Variants in DYNC1I1 observed in about 807,000 individuals in gnomAD.
DYNC1I1 encodes the protein cytoplasmic dynein 1 intermediate chain 1.
In DYNC1I1, 43 loss-of-function variants were observed where a neutral mutation model predicts 86.6. The observed-to-expected ratio is 0.50, with a 90% CI of 0.39 to 0.64. The LOEUF is 0.64. DYNC1I1 is among the 30% of genes least tolerant of loss of function. The pLI is 0.00. For missense variants in DYNC1I1, 604 were observed against 788.8 expected (o/e 0.77, Z 2.81); for synonymous variants, 262 against 283.7 (o/e 0.92, Z 0.77).
chr7:96,047,264 T>C (rs1310461332), intron 14 of DYNC1I1, among the ~76,000 whole-genome samples: 2 of 152,276 alleles, frequency 1.3e-5, no homozygotes, highest in East Asian at 1.9e-4. Flanking sequence ...TTTCAACATA[T>C]GAATTTTGGA....
At chr7:95,813,708 A>T (rs1423546268) in intron 4 of DYNC1I1, among the ~76,000 whole-genome samples, 4 of 152,130 alleles carry the variant, frequency 2.6e-5, no homozygotes, top group Non-Finnish European at 5.9e-5. Context: ...GTTTCCATGA[A>T]AGTCTTTGTG....
At chr7:95,796,524 A>G (rs1222937080) in intron 1 of DYNC1I1, among the ~76,000 whole-genome samples, 1 of 151,924 alleles carries the variant, frequency 6.6e-6, no homozygotes, top group Admixed American at 6.6e-5. Context: ...AGTTTTCTTT[A>G]TGCTGTATCT....
At chr7:95,937,512 A>G (rs1792079898) in intron 6 of DYNC1I1, among the ~76,000 whole-genome samples, 2 of 151,952 alleles carry the variant, frequency 1.3e-5, no homozygotes, top group Admixed American at 1.3e-4. Context: ...GTTCAAAAAA[A>G]AAAAAGCACC....
intron 5 of DYNC1I1, among the ~76,000 whole-genome samples, chr7:95,828,460 CT>C (rs1350098811): frequency 6.6e-6 from 1 of 152,130 alleles, no homozygotes; most frequent in Non-Finnish European, 1.5e-5. Context: ...CCATCCTCCC[CT>C]TTACTAACAA....
At chr7:95,915,332 A>G (rs1370426629) in intron 6 of DYNC1I1, among the ~76,000 whole-genome samples, 1 of 152,262 alleles carries the variant, frequency 6.6e-6, no homozygotes, top group Non-Finnish European at 1.5e-5. Flanking sequence ...GACTAACACG[A>G]ACAAAGTCAC....
chr7:96,047,183 G>A (rs895519890), intron 14 of DYNC1I1, among the ~76,000 whole-genome samples: 2 of 152,096 alleles, frequency 1.3e-5, no homozygotes, highest in African/African-American at 2.4e-5. Context: ...CCATTCATGA[G>A]GGTGGAGCCC....
At chr7:96,102,090 C>A (rs1314990421), downstream of DYNC1I1, among the ~76,000 whole-genome samples, 1 of 152,022 alleles carries the variant, frequency 6.6e-6, no homozygotes, top group African/African-American at 2.4e-5. Flanking sequence ...ATTAATAAGG[C>A]TTCTGGTACA....
At chr7:95,964,483 A>G (rs1792955331) in intron 6 of DYNC1I1, among the ~76,000 whole-genome samples, 1 of 152,166 alleles carries the variant, frequency 6.6e-6, no homozygotes, top group South Asian at 2.1e-4. Context: ...CTGTGCAGTC[A>G]TGTTATCACC....
intron 12 of DYNC1I1, 93 bp downstream of exon 12, chr7:96,032,873 C>T (rs1342420156): frequency 3.0e-6 from 3 of 1,015,046 alleles, no homozygotes; most frequent in Admixed American, 2.4e-5. Flanking sequence ...ACCCTCACAT[C>T]CTAGAGGAGC....
intron 14 of DYNC1I1, among the ~76,000 whole-genome samples, chr7:96,059,837 G>A (rs1584287373): frequency 6.6e-6 from 1 of 152,206 alleles, no homozygotes; most frequent in East Asian, 1.9e-4. Flanking sequence ...CTTCATGCCT[G>A]CAACAACAAC....
At chr7:95,957,610 G>A (rs528550248) in intron 6 of DYNC1I1, among the ~76,000 whole-genome samples, 4 of 152,292 alleles carry the variant, frequency 2.6e-5, no homozygotes, top group East Asian at 3.9e-4. Context: ...ACATGCAGGT[G>A]CTCTTGCAGC....
At chr7:95,795,540 G>C (rs1794413348) in intron 1 of DYNC1I1, among the ~76,000 whole-genome samples, 1 of 152,164 alleles carries the variant, frequency 6.6e-6, no homozygotes, top group Admixed American at 6.5e-5. Flanking sequence ...TGTATGCCAT[G>C]GAATATGATG....
chr7:95,923,782 AT>A (rs1420683090), intron 6 of DYNC1I1, among the ~76,000 whole-genome samples: 1 of 152,166 alleles, frequency 6.6e-6, no homozygotes, highest in African/African-American at 2.4e-5. Flanking sequence ...CCATTCAGAA[AT>A]TATATAACAT....
intron 10 of DYNC1I1, among the ~76,000 whole-genome samples, chr7:95,998,783 T>C (rs1336058906): frequency 6.6e-6 from 1 of 152,196 alleles, no homozygotes; most frequent in Non-Finnish European, 1.5e-5. Context: ...TAAAAGTGTA[T>C]AATTGTAAAC....
intron 6 of DYNC1I1, among the ~76,000 whole-genome samples, chr7:95,917,774 C>T (rs1254857494): frequency 6.6e-6 from 1 of 152,214 alleles, no homozygotes; most frequent in Non-Finnish European, 1.5e-5. Context: ...TGGGCACTCG[C>T]CGTCCTTCAT....
intron 6 of DYNC1I1, among the ~76,000 whole-genome samples, chr7:95,899,542 A>G (rs1384378245): frequency 2.6e-5 from 4 of 152,196 alleles, no homozygotes; most frequent in Non-Finnish European, 5.9e-5. Context: ...AGTCAGAATC[A>G]TCCTGGACAT....
intron 10 of DYNC1I1, among the ~76,000 whole-genome samples, chr7:96,006,405 CATG>C (rs747663113): frequency 3.3e-5 from 5 of 152,176 alleles, no homozygotes; most frequent in Non-Finnish European, 7.3e-5. Context: ...TCACACTCCT[CATG>C]ATGACCCTTA....
At chr7:96,047,757 T>C (rs1789261371) in intron 14 of DYNC1I1, among the ~76,000 whole-genome samples, 1 of 152,144 alleles carries the variant, frequency 6.6e-6, no homozygotes, top group African/African-American at 2.4e-5. Flanking sequence ...CTGAGTATAT[T>C]TGCGGCCTGA....
chr7:95,952,487 G>T (rs1296432143), intron 6 of DYNC1I1, among the ~76,000 whole-genome samples: 1 of 152,046 alleles, frequency 6.6e-6, no homozygotes, highest in Non-Finnish European at 1.5e-5. Context: ...ATCCCCAGCG[G>T]CTCCCCTCCC....
Sources: allele counts gnomAD v4.1 joint callset (sites outside exome capture counted in the v4.1 genomes callset), GRCh38; gene constraint gnomAD v4.1.1; transcripts MANE v1.5; gene names NCBI Gene and HGNC (gene_info 2026-07-23, HGNC 2026-07-21).